The following CUL9 variants were observed in gnomAD, a reference collection of about 807,000 sequenced individuals.
CUL9 encodes the protein cullin-9.
Under a neutral mutation model 272.6 loss-of-function variants are expected in CUL9, and 79 were observed. That is an observed-to-expected ratio of 0.29 (90% CI 0.24 to 0.35). CUL9 has a LOEUF of 0.35. CUL9 is among the 10% of genes least tolerant of loss of function. The pLI is 1.00. For missense variants in CUL9, 2,532 were observed against 3,255.6 expected (o/e 0.78, Z 5.41); for synonymous variants, 1,186 against 1,286.5 (o/e 0.92, Z 1.67).
chr6:43,183,565 C>T lies in CUL9; in HGVS notation c.-9-737C>T, dbSNP rs1046396474. Among the ~76,000 whole-genome samples the T allele has an allele frequency of 2.0e-5, 3 of 152,156 alleles. No homozygotes were observed. In the South Asian group the frequency reaches 6.2e-4, roughly 32 times the overall value. Reference sequence around the variant, plus strand: ...TGCTGTCCTTCCTGTCCACCCATGTCATTCTTCTAAGTCCTAATCTGTAAC... The same window carrying T: ...TGCTGTCCTTCCTGTCCACCCATGTTATTCTTCTAAGTCCTAATCTGTAAC... On this transcript the variant is annotated intron_variant, in intron 1 of 40. Coordinates refer to ENST00000252050, the MANE Select transcript of CUL9 (RefSeq NM_015089.4).
chr6:43,224,503 G>C lies in CUL9; in HGVS notation c.*58G>C, dbSNP rs1396083654. Reference sequence around the variant, plus strand: ...CCAGAGTCACGGGGCTGAGGGGGCGGGAGCTGCCCCTGTCATAGGGAGGGG... The same window carrying C: ...CCAGAGTCACGGGGCTGAGGGGGCGCGAGCTGCCCCTGTCATAGGGAGGGG... On this transcript the variant is annotated 3_prime_UTR_variant, in exon 41 of 41. Coordinates refer to ENST00000252050, the MANE Select transcript of CUL9 (RefSeq NM_015089.4). The surrounding 1 kb of genome is among the most constrained non-coding windows in gnomAD (Gnocchi z 4.2). 3.9e-6 allele frequency: 6 copies of C among 1,520,386 alleles called. No individual in the cohort carries two copies. The highest frequency in any genetic ancestry group is 5.4e-6 in the Non-Finnish European group (6 of 1,120,962). 94.2% of individuals were successfully genotyped at this position (1,520,386 alleles called of 1,614,324 possible).
At position 43,199,988 on chromosome 6, in the gene CUL9, T is replaced by C. The variant is rs143406914; in HGVS notation, c.3216T>C (p.Ala1072=). The change falls in exon 14 of 41, where the codon GCT becomes GCC. Residue 1072 remains alanine, a synonymous_variant. Coordinates refer to ENST00000252050, the MANE Select transcript of CUL9 (RefSeq NM_015089.4). The surrounding 1 kb of genome is among the most constrained non-coding windows in gnomAD (Gnocchi z 4.4). ...TGGCCTCGATGCATAAGGACTATGC[T>C]GTGGTGCTCTGCTGCCTGGGAGCAA... ...HRLASMHKDY[A]VVLCCLGAKE... is the part of the protein sequence containing the mutation. 72 of 1,614,200 alleles carry C rather than the reference T, an allele frequency of 4.5e-5. No homozygotes were observed. The African/African-American group carries it at 8.4e-4, about 19-fold the overall frequency.
intron 16 of CUL9, among the ~76,000 whole-genome samples, chr6:43,201,108 T>C (rs1202854487): frequency 6.6e-6 from 1 of 152,204 alleles, no homozygotes; most frequent in Non-Finnish European, 1.5e-5. Context: ...CATTTCTCCT[T>C]TGGGCATTTG....
chr6:43,197,851 A>G (rs886610907), intron 11 of CUL9, among the ~76,000 whole-genome samples: 1 of 152,218 alleles, frequency 6.6e-6, no homozygotes, highest in East Asian at 1.9e-4. Flanking sequence ...GGTACAGAAC[A>G]CTTGTGCCTG....
Position 43,184,818 on chromosome 6 carries a change from C to T in CUL9, c.508C>T (p.Leu170=), listed in dbSNP as rs189767161. 2.2e-5 allele frequency: 35 copies of T among 1,613,346 alleles called. No individual in the cohort carries two copies. The African/African-American group carries it at 4.1e-4, about 19-fold the overall frequency. Residue 170 remains leucine, a synonymous_variant, in exon 2 of 41, where the codon CTG becomes TTG. Transcript: ENST00000252050. This position sits in a 1 kb window ranked among gnomAD's most constrained non-coding sequence, Gnocchi z 4.8. ...CTTCAGGGAGACAGGAGCCCTGGACCTGCTCATGCACATGTTATGCAATCC... is the reference window on the plus strand; with the variant it reads ...CTTCAGGGAGACAGGAGCCCTGGACTTGCTCATGCACATGTTATGCAATCC... ...GVFRETGALD[L]LMHMLCNPEP...
chr6:43,216,020 T>C, intron 30 of CUL9, 138 bp from the exon 31 acceptor site: 1 of 730,058 alleles, frequency 1.4e-6, no homozygotes. Flanking sequence ...TGACGGTTGG[T>C]TTGGGTGGTT....
In CUL9 at chr6:43,215,142, G is replaced by A; in HGVS notation, c.5752G>A (p.Gly1918Ser). 6.2e-7 allele frequency: 1 copy of A among 1,614,104 alleles called. No homozygotes were observed. The highest frequency in any genetic ancestry group is 8.5e-7 in the Non-Finnish European group (1 of 1,179,954). The stretch of plus-strand genomic sequence containing the variant: ...AACCCTGGGCCACACTGTTGCTGGG[G>A]GTGTGGCCTGTACCAGTACAGATGT... ...PGTLGHTVAG[G>S]VACTSTDVLS... Residue 1918 changes from glycine (G) to serine (S), a missense_variant, in exon 30 of 41, where the codon GGT (glycine) becomes AGT (serine). By Grantham distance (56) the Gly-to-Ser change is moderately conservative. Transcript: ENST00000252050.
At chr6:43,205,536 T>C in intron 24 of CUL9, 113 bp downstream of exon 24, 2 of 1,281,524 alleles carry the variant, frequency 1.6e-6, no homozygotes, top group Non-Finnish European at 2.2e-6. Context: ...GAGATTAAGA[T>C]GTGGAGATGG....
chr6:43,200,732 C>T lies in CUL9; in HGVS notation c.3545C>T (p.Ala1182Val). 1 of 1,614,252 alleles carries T rather than the reference C, an allele frequency of 6.2e-7. No individual in the cohort carries two copies. The highest frequency in any genetic ancestry group is 8.5e-7 in the Non-Finnish European group (1 of 1,180,044). Residue 1182 changes from alanine (A) to valine (V), a missense_variant, in exon 16 of 41, where the codon GCC becomes GTC. This residue lies in a region of CUL9 where 2,218 missense variants were observed against 2,788.6 expected (regional missense o/e 0.80). Coordinates refer to ENST00000252050, the MANE Select transcript of CUL9 (RefSeq NM_015089.4). The surrounding 1 kb of genome is among the most constrained non-coding windows in gnomAD (Gnocchi z 4.0). ...GAGGTGTCCTCCAACCCGCACCGAGCCAGCAAGCTGACGGACCACAACCCC... is the reference window on the plus strand; with the variant it reads ...GAGGTGTCCTCCAACCCGCACCGAGTCAGCAAGCTGACGGACCACAACCCC... ...KVEVSSNPHRASKLTDHNPKT... is the reference protein window; with the variant it reads ...KVEVSSNPHRVSKLTDHNPKT...
chr6:43,215,881 A>G (rs1312174871), intron 30 of CUL9, among the ~76,000 whole-genome samples: 4 of 152,186 alleles, frequency 2.6e-5, no homozygotes, highest in Non-Finnish European at 5.9e-5. Context: ...GGTGAGACCT[A>G]CAGTGGGACT....
At chr6:43,202,084 A>C (rs1253608434) in intron 16 of CUL9, among the ~76,000 whole-genome samples, 2 of 152,222 alleles carry the variant, frequency 1.3e-5, no homozygotes, top group Non-Finnish European at 2.9e-5. Flanking sequence ...AAATCCTCAG[A>C]GATGGAGTCC....
At chr6:43,201,300 C>T (rs186420281) in intron 16 of CUL9, among the ~76,000 whole-genome samples, 1 of 152,242 alleles carries the variant, frequency 6.6e-6, no homozygotes, top group East Asian at 1.9e-4. Context: ...AGCAGACTTC[C>T]TTCTGGAAGG....
rs746578452 is a variant in CUL9 at position 43,200,566 on chromosome 6, T to C, written c.3475+40T>C. ...CTGCTTTCTCCTGGCTCCCATCCAG[T>C]GTCTGTTCTCCCCTTCCCTTCCTGC... On this transcript the variant is annotated intron_variant, in intron 15 of 40. Transcript: ENST00000252050. The surrounding 1 kb of genome is among the most constrained non-coding windows in gnomAD (Gnocchi z 4.0). The C allele has an allele frequency of 1.2e-6, 2 of 1,614,106 alleles. No individual in the cohort carries two copies. The highest frequency in any genetic ancestry group is 8.5e-7 in the Non-Finnish European group (1 of 1,179,960).
chr6:43,185,005 T>C, intron 2 of CUL9, 100 bp downstream of exon 2: 2 of 903,256 alleles, frequency 2.2e-6, no homozygotes, highest in Non-Finnish European at 3.3e-6. Flanking sequence ...ACACCTAGTA[T>C]TTGGTGAATA....
chr6:43,199,422 C>G lies in CUL9; in HGVS notation c.3156+51C>G. 2.1e-6 allele frequency: 3 copies of G among 1,436,110 alleles called. No individual in the cohort carries two copies. The highest frequency in any genetic ancestry group is 2.9e-6 in the Non-Finnish European group (3 of 1,020,320). The allele number at this position is 1,436,110 out of a possible 1,614,324, so 89.0% of individuals were successfully genotyped here. A position where few individuals can be genotyped will look rare whatever the true frequency, so the allele number is the denominator to read the frequency against. On this transcript the variant is annotated intron_variant, in intron 13 of 40. Transcript: ENST00000252050. This position sits in a 1 kb window ranked among gnomAD's most constrained non-coding sequence, Gnocchi z 4.4. Reference sequence around the variant, plus strand: ...AGAGGGAAGGGCAGCATCTGGGGCACCAACTCCTTGTGAGGCTCTGGAGGG... The same window carrying G: ...AGAGGGAAGGGCAGCATCTGGGGCAGCAACTCCTTGTGAGGCTCTGGAGGG...
intron 20 of CUL9, 75 bp downstream of exon 20, chr6:43,204,062 T>G: frequency 6.7e-7 from 1 of 1,499,108 alleles, no homozygotes; most frequent in Non-Finnish European, 8.9e-7. Context: ...GTTAATGCTC[T>G]TGGTTCTTTT....
In CUL9 at chr6:43,221,517, G is replaced by A; in HGVS notation, c.6753-168G>A. On this transcript the variant is annotated intron_variant, in intron 34 of 40. Coordinates refer to ENST00000252050, the MANE Select transcript of CUL9 (RefSeq NM_015089.4). The surrounding 1 kb of genome is among the most constrained non-coding windows in gnomAD (Gnocchi z 4.2). Reference sequence around the variant, plus strand: ...CCACTCGTAAGTCCACACTGACTGGGGGAGTTCAAAAGCAGAGGTGCATTC... The same window carrying A: ...CCACTCGTAAGTCCACACTGACTGGAGGAGTTCAAAAGCAGAGGTGCATTC... The A allele has an allele frequency of 2.3e-6, 2 of 874,990 alleles. No individual in the cohort carries two copies. Among genetic ancestry groups the A allele is most frequent in the Non-Finnish European group, 3.5e-6 (2 of 577,674 alleles). The allele number at this position is 874,990 out of a possible 1,614,324, so 54.2% of individuals were successfully genotyped here.
chr6:43,197,705 A>G (rs1774141963), intron 11 of CUL9, among the ~76,000 whole-genome samples: 1 of 151,852 alleles, frequency 6.6e-6, no homozygotes. Flanking sequence ...GCCGGTTTTG[A>G]ACTCCTGACC....
In CUL9 at chr6:43,220,765, C is replaced by T; in HGVS notation, c.6442C>T (p.Arg2148Cys). The change falls in exon 33 of 41, where the codon CGT becomes TGT. Residue 2148 changes from arginine (R) to cysteine (C), a missense_variant. By Grantham distance (180) the Arg-to-Cys change is radical. Transcript: ENST00000252050. This position sits in a 1 kb window ranked among gnomAD's most constrained non-coding sequence, Gnocchi z 4.9. Reference protein sequence around the residue: ...VISKYEKALLRGYVESCSNLT... With the variant: ...VISKYEKALLCGYVESCSNLT... Reference sequence around the variant, plus strand: ...TCCACAGTATGAGAAGGCGCTCCTGCGTGGCTATGTGGAGAGCTGCTCCAA... The same window carrying T: ...TCCACAGTATGAGAAGGCGCTCCTGTGTGGCTATGTGGAGAGCTGCTCCAA... 2.5e-6 allele frequency: 4 copies of T among 1,612,894 alleles called. No homozygotes were observed. Among genetic ancestry groups the T allele is most frequent in the East Asian group, 2.2e-5 (1 of 44,884 alleles).
Sources: allele counts gnomAD v4.1 joint callset (sites outside exome capture counted in the v4.1 genomes callset), GRCh38; gene constraint gnomAD v4.1.1; regional missense constraint gnomAD v4.1.1; non-coding constraint Gnocchi (gnomAD v3.1); transcripts MANE v1.5; gene names NCBI Gene and HGNC (gene_info 2026-07-23, HGNC 2026-07-21).